The following LINGO2 variants were observed in gnomAD, a reference collection of about 807,000 sequenced individuals.
LINGO2 encodes the protein leucine-rich repeat and immunoglobulin-like domain-containing nogo receptor-interacting protein 2.
A neutral mutation model predicts 30.6 loss-of-function variants in LINGO2; 14 were observed. That is an observed-to-expected ratio of 0.46 (90% confidence interval 0.30 to 0.72). The LOEUF (loss-of-function observed/expected upper bound fraction) is 0.72, where lower values mean the gene tolerates loss of function less well. LINGO2 is among the 30% of genes least tolerant of loss of function. The pLI is 0.07. For synonymous variants in LINGO2, 317 were observed against 288.5 expected, an observed-to-expected ratio of 1.10 and a Z score of -1.00; for missense variants, 729 against 751.7, an observed-to-expected ratio of 0.97 and a Z score of 0.35.
chr9:28,720,775 A>G, the LINGO2 span, among the ~76,000 whole-genome samples: 6 of 152,078 alleles, frequency 3.9e-5, no homozygotes, highest in Non-Finnish European at 7.4e-5. Flanking sequence ...GGTCCCTTCA[A>G]TATAACGCAG....
At chr9:29,144,149 C>T in the LINGO2 span, among the ~76,000 whole-genome samples, 1 of 152,100 alleles carries the variant, frequency 6.6e-6, no homozygotes, top group Admixed American at 6.6e-5. Flanking sequence ...TTACCAGTAC[C>T]GTGCTGTTTC....
At chr9:28,212,906 A>G (rs951153005) in intron 4 of LINGO2, among the ~76,000 whole-genome samples, 1 of 151,516 alleles carries the variant, frequency 6.6e-6, no homozygotes, top group African/African-American at 2.4e-5. Context: ...GAATTTGTCT[A>G]TAACAAATCC....
intron 4 of LINGO2, among the ~76,000 whole-genome samples, chr9:28,122,357 C>T (rs983812799): frequency 2.6e-5 from 4 of 152,030 alleles, no homozygotes; most frequent in Non-Finnish European, 5.9e-5. Flanking sequence ...TATAAACACA[C>T]GGATTAGAAG....
intron 1 of LINGO2, among the ~76,000 whole-genome samples, chr9:28,581,982 T>A (rs1824280138): frequency 6.6e-6 from 1 of 152,030 alleles, no homozygotes; most frequent in Non-Finnish European, 1.5e-5. Flanking sequence ...ATTATCTTCA[T>A]ATTGGCCCTG....
intron 5 of LINGO2, among the ~76,000 whole-genome samples, chr9:27,968,901 T>C (rs1216320728): frequency 6.6e-6 from 1 of 151,554 alleles, no homozygotes; most frequent in East Asian, 1.9e-4. Flanking sequence ...CTCACCTCTC[T>C]CTCTCTCTAC....
chr9:28,785,389 C>T, the LINGO2 span, among the ~76,000 whole-genome samples: 1 of 152,130 alleles, frequency 6.6e-6, no homozygotes, highest in African/African-American at 2.4e-5. Flanking sequence ...GACCTCATAT[C>T]AACTCTCATT....
the LINGO2 span, among the ~76,000 whole-genome samples, chr9:29,177,627 A>G: frequency 6.6e-6 from 1 of 152,170 alleles, no homozygotes; most frequent in East Asian, 1.9e-4. Context: ...ATATTTAAGA[A>G]GATTTTATGT....
chr9:29,070,038 T>A, the LINGO2 span, among the ~76,000 whole-genome samples: 6 of 151,962 alleles, frequency 3.9e-5, no homozygotes, highest in Admixed American at 1.3e-4. Flanking sequence ...GATTGCTCAC[T>A]CTGTACAAAG....
intron 2 of LINGO2, among the ~76,000 whole-genome samples, chr9:28,413,380 A>G (rs1822844829): frequency 6.6e-6 from 1 of 152,084 alleles, no homozygotes; most frequent in Admixed American, 6.6e-5. Context: ...TTCATATTGT[A>G]TGCTACCTGT....
chr9:28,660,685 A>AT (rs537110682), intron 1 of LINGO2, among the ~76,000 whole-genome samples: 5 of 152,000 alleles, frequency 3.3e-5, no homozygotes, highest in South Asian at 2.1e-4. Flanking sequence ...GGATATGTTA[A>AT]TTTTTTTTCC....
At chr9:29,036,540 G>A in the LINGO2 span, among the ~76,000 whole-genome samples, 3 of 152,002 alleles carry the variant, frequency 2.0e-5, no homozygotes, top group Non-Finnish European at 2.9e-5. Flanking sequence ...GTCCAATGCT[G>A]TAATACTAGC....
chr9:29,060,663 T>C, the LINGO2 span, among the ~76,000 whole-genome samples: 11 of 151,818 alleles, frequency 7.2e-5, no homozygotes, highest in Non-Finnish European at 1.0e-4. Context: ...GGAAAGATAG[T>C]TCATAGGAAA....
At chr9:29,012,063 A>G in the LINGO2 span, among the ~76,000 whole-genome samples, 2 of 152,182 alleles carry the variant, frequency 1.3e-5, no homozygotes. Flanking sequence ...AAACAACTTT[A>G]AAAAATATTA....
the LINGO2 span, among the ~76,000 whole-genome samples, chr9:28,987,091 G>C: frequency 3.8e-5 from 2 of 52,440 alleles, no homozygotes; most frequent in South Asian, 1.1e-3. Context: ...TTTTTTTTTT[G>C]GTGGAGTCTT....
intron 1 of LINGO2, among the ~76,000 whole-genome samples, chr9:28,565,283 G>A (rs137926502): frequency 2.6e-5 from 4 of 151,692 alleles, no homozygotes; most frequent in African/African-American, 9.7e-5. Context: ...CGCCTCCTGG[G>A]TTCATGCCAT....
At chr9:28,631,463 A>C (rs1449999254) in intron 1 of LINGO2, among the ~76,000 whole-genome samples, 1 of 152,096 alleles carries the variant, frequency 6.6e-6, no homozygotes, top group Non-Finnish European at 1.5e-5. Context: ...CTTTCTACAT[A>C]TGGCTAGCCA....
chr9:29,192,129 C>G, the LINGO2 span, among the ~76,000 whole-genome samples: 1 of 152,136 alleles, frequency 6.6e-6, no homozygotes, highest in Non-Finnish European at 1.5e-5. Context: ...ATAAATTGTA[C>G]TGGCAGCATT....
downstream of LINGO2, among the ~76,000 whole-genome samples, chr9:27,947,550 A>T (rs1318236106): frequency 6.6e-6 from 1 of 152,150 alleles, no homozygotes; most frequent in East Asian, 1.9e-4. Flanking sequence ...TCAAAGAAAA[A>T]ACCAAAATCT....
intron 1 of LINGO2, among the ~76,000 whole-genome samples, chr9:28,512,290 A>G (rs1229724643): frequency 1.3e-5 from 2 of 151,934 alleles, no homozygotes; most frequent in African/African-American, 2.4e-5. Context: ...ACAGGCCAGG[A>G]GCTGACTCTC....
Sources: allele counts gnomAD v4.1 joint callset (sites outside exome capture counted in the v4.1 genomes callset), GRCh38; gene constraint gnomAD v4.1.1; transcripts MANE v1.5; gene names NCBI Gene and HGNC (gene_info 2026-07-23, HGNC 2026-07-21).